Variants in DUSP14 observed in about 807,000 individuals in gnomAD.
DUSP14 encodes the protein dual specificity protein phosphatase 14.
In DUSP14, 5 loss-of-function variants were observed where a neutral mutation model predicts 13.2. The ratio of observed to expected loss-of-function variants is 0.38; its 90% CI spans 0.20 to 0.80. The LOEUF (loss-of-function observed/expected upper bound fraction) is 0.80, where lower values mean the gene tolerates loss of function less well. Among genes scored for constraint, DUSP14 ranks in the 30% least tolerant of loss-of-function variants. The pLI is 0.44. For synonymous variants in DUSP14, 91 were observed against 103.4 expected (o/e 0.88, Z 0.73); for missense variants, 185 against 264.0 (o/e 0.70, Z 2.07).
At chr17:37,493,672 C>CTTT (rs35368460) in intron 1 of DUSP14, among the ~76,000 whole-genome samples, 1 of 137,322 alleles carries the variant, frequency 7.3e-6, no homozygotes, top group African/African-American at 2.7e-5. Context: ...TTTCATCAAT[C>CTTT]TTTTTTTTTT....
rs191624312 is a variant in DUSP14 at position 37,512,559 on chromosome 17, A to G, written c.287A>G (p.Lys96Arg). The change falls in exon 3 of 3, where the codon AAG becomes AGG. Residue 96 changes from lysine to arginine, a missense_variant. Lys to Arg is a conservative substitution (Grantham distance 26). Transcript: ENST00000617516. This position sits in a 1 kb window ranked among gnomAD's most constrained non-coding sequence, Gnocchi z 4.8. ...IGLYFDTVAD[K>R]IHSVSRKHGA... The stretch of plus-strand genomic sequence containing the variant: ...CTGTACTTTGACACCGTGGCTGACA[A>G]GATCCACAGTGTGAGCAGGAAGCAC... 1.2e-6 allele frequency: 2 copies of G among 1,614,184 alleles called. No individual in the cohort carries two copies. Among genetic ancestry groups the G allele is most frequent in the East Asian group, 2.2e-5 (1 of 44,882 alleles).
chr17:37,503,856 C>T (rs2054120534), intron 1 of DUSP14, among the ~76,000 whole-genome samples: 1 of 152,116 alleles, frequency 6.6e-6, no homozygotes, highest in African/African-American at 2.4e-5. Flanking sequence ...CTGCCCCTCT[C>T]CTTCTTGGGC....
intron 1 of DUSP14, among the ~76,000 whole-genome samples, chr17:37,504,839 C>T (rs927715964): frequency 2.2e-4 from 34 of 152,138 alleles, no homozygotes; most frequent in African/African-American, 7.7e-4. Flanking sequence ...CCGCAGCCTC[C>T]CAAAATGCTG....
chr17:37,511,938 C>CCCCCTCTTTTT (rs1568206074), intron 2 of DUSP14, among the ~76,000 whole-genome samples: 1 of 38,248 alleles, frequency 2.6e-5, no homozygotes, highest in Non-Finnish European at 4.6e-5. Context: ...CCCCACCCCA[C>CCCCCTCTTTTT]TTTTTTTTTT....
At chr17:37,494,976 T>C (rs2069678302) in intron 1 of DUSP14, among the ~76,000 whole-genome samples, 1 of 152,216 alleles carries the variant, frequency 6.6e-6, no homozygotes, top group African/African-American at 2.4e-5. Context: ...TCAGATTCTC[T>C]AAAATAATGA....
At chr17:37,509,279 ATATATATATATATATATAGTGT>A (rs2054165555) in intron 1 of DUSP14, among the ~76,000 whole-genome samples, 1 of 43,698 alleles carries the variant, frequency 2.3e-5, no homozygotes, top group African/African-American at 1.2e-4. Context: ...ATATATATAT[ATATATATATATATATATAGTGT>A]GTGTGTGTGT....
intron 1 of DUSP14, 34 bp from the exon 2 acceptor site, chr17:37,510,643 T>C (rs1302131427): frequency 6.6e-6 from 1 of 152,260 alleles, no homozygotes; most frequent in African/African-American, 2.4e-5. Flanking sequence ...AACTTCCTGA[T>C]TGGCTGTGTC....
intron 2 of DUSP14, among the ~76,000 whole-genome samples, chr17:37,511,446 A>C (rs1465601361): frequency 6.6e-6 from 1 of 151,694 alleles, no homozygotes; most frequent in African/African-American, 2.4e-5. Flanking sequence ...ATGCTCAGCT[A>C]ATTTTTGTAT....
rs1324127645 is a variant in DUSP14 at position 37,513,223 on chromosome 17, T to C, written c.*354T>C. On this transcript the variant is annotated 3_prime_UTR_variant, in exon 3 of 3. Coordinates refer to ENST00000617516, the MANE Select transcript of DUSP14 (RefSeq NM_007026.4). Reference sequence around the variant, plus strand: ...GAGGAGCTCAGTGCAAAAATCACTTTGGGGCCTCATTAACCCTTTAGAGAC... The same window carrying C: ...GAGGAGCTCAGTGCAAAAATCACTTCGGGGCCTCATTAACCCTTTAGAGAC... The C allele has an allele frequency of 4.1e-6, 1 of 245,182 alleles. No individual in the cohort carries two copies. Among genetic ancestry groups the C allele is most frequent in the East Asian group, 9.4e-5 (1 of 10,630 alleles). 15.2% of individuals were successfully genotyped at this position (245,182 alleles called of 1,614,324 possible).
chr17:37,489,616 C>G (rs62076700), upstream of DUSP14, among the ~76,000 whole-genome samples: 34,671 of 151,924 alleles, frequency 0.23, 4,149 homozygotes, highest in Middle Eastern at 0.35. Context: ...AGCGAGGGGT[C>G]GCCGGTGTGT....
At chr17:37,498,909 A>G (rs2054087008) in intron 1 of DUSP14, among the ~76,000 whole-genome samples, 1 of 152,180 alleles carries the variant, frequency 6.6e-6, no homozygotes, top group Non-Finnish European at 1.5e-5. Flanking sequence ...CAGGCAGCCC[A>G]GGTGATTCTC....
intron 1 of DUSP14, among the ~76,000 whole-genome samples, chr17:37,498,443 C>T (rs2054081555): frequency 6.6e-6 from 1 of 150,906 alleles, no homozygotes; most frequent in Non-Finnish European, 1.5e-5. Flanking sequence ...TCTCCTGCCT[C>T]AGCCTCCCCA....
chr17:37,502,383 C>T, intron 1 of DUSP14, among the ~76,000 whole-genome samples: 1 of 148,264 alleles, frequency 6.7e-6, no homozygotes. Context: ...AGAGTCTTCT[C>T]ACATTGCTTC....
At chr17:37,511,937 A>AGGTTTTTTTTTTTTTTTTTTTT in intron 2 of DUSP14, among the ~76,000 whole-genome samples, 1 of 16,438 alleles carries the variant, frequency 6.1e-5, no homozygotes, top group South Asian at 3.0e-3. Context: ...CCCCCACCCC[A>AGGTTTTTTTTTTTTTTTTTTTT]CTTTTTTTTT....
intron 1 of DUSP14, among the ~76,000 whole-genome samples, chr17:37,504,046 T>G (rs1031080671): frequency 1.3e-5 from 2 of 152,004 alleles, no homozygotes; most frequent in African/African-American, 4.8e-5. Flanking sequence ...ATACAAAAAT[T>G]AGCCAGGTGT....
At chr17:37,503,940 C>T (rs1190509918) in intron 1 of DUSP14, among the ~76,000 whole-genome samples, 2 of 152,254 alleles carry the variant, frequency 1.3e-5, no homozygotes, top group East Asian at 3.9e-4. Context: ...CCTGTAATCC[C>T]AGCAGCACTT....
intron 2 of DUSP14, among the ~76,000 whole-genome samples, chr17:37,511,374 A>G (rs2054183798): frequency 1.3e-5 from 2 of 152,036 alleles, no homozygotes; most frequent in South Asian, 2.1e-4. Context: ...TCCGCCTCCC[A>G]GGTTCAAGCG....
chr17:37,512,685 A>T lies in DUSP14; in HGVS notation c.413A>T (p.Tyr138Phe), dbSNP rs760937099. 1 of 1,614,094 alleles carries T rather than the reference A, an allele frequency of 6.2e-7. No homozygotes were observed. The highest frequency in any genetic ancestry group is 1.1e-5 in the South Asian group (1 of 91,078). The change falls in exon 3 of 3, where the codon TAC (tyrosine) becomes TTC (phenylalanine). Residue 138 changes from tyrosine to phenylalanine, a missense_variant. By Grantham distance (22) the Tyr-to-Phe change is conservative. Coordinates refer to ENST00000617516, the MANE Select transcript of DUSP14 (RefSeq NM_007026.4). The surrounding 1 kb of genome is among the most constrained non-coding windows in gnomAD (Gnocchi z 4.8). ...CACAACGTGTGCCTGCTGGAGGCGT[A>T]CAACTGGGTGAAAGCCCGGCGACCT... ...KFHNVCLLEA[Y>F]NWVKARRPVI...
At chr17:37,507,747 C>G (rs1000255279) in intron 1 of DUSP14, among the ~76,000 whole-genome samples, 9 of 152,110 alleles carry the variant, frequency 5.9e-5, no homozygotes, top group Non-Finnish European at 7.4e-5. Flanking sequence ...GGCCAAGCCT[C>G]TCTGAATTAG....
Sources: allele counts gnomAD v4.1 joint callset (sites outside exome capture counted in the v4.1 genomes callset), GRCh38; gene constraint gnomAD v4.1.1; non-coding constraint Gnocchi (gnomAD v3.1); transcripts MANE v1.5; gene names NCBI Gene and HGNC (gene_info 2026-07-23, HGNC 2026-07-21).